GRID2: variants seen among roughly 807,000 people sequenced by gnomAD.
GRID2 encodes the protein glutamate ionotropic receptor delta type subunit 2, also known as glutamate receptor ionotropic, delta-2.
In GRID2, 33 loss-of-function variants were observed where a neutral mutation model predicts 114.8. That is an observed-to-expected ratio of 0.29 (90% CI 0.22 to 0.38). The LOEUF (loss-of-function observed/expected upper bound fraction) is 0.38. Among genes scored for constraint, GRID2 ranks in the 10% least tolerant of loss-of-function variants. The pLI, the probability that GRID2 is intolerant of heterozygous loss-of-function variation, is 1.00. For missense variants in GRID2, 1,184 were observed against 1,257.7 expected (o/e 0.94, Z 0.89); for synonymous variants, 505 against 449.9 (o/e 1.12, Z -1.55).
At chr4:93,214,142 A>G (rs926102866) in intron 5 of GRID2, among the ~76,000 whole-genome samples, 8 of 152,040 alleles carry the variant, frequency 5.3e-5, no homozygotes, top group Non-Finnish European at 1.2e-4. Context: ...CTTTTAAAAG[A>G]TTAAGATATT....
intron 1 of GRID2, among the ~76,000 whole-genome samples, chr4:92,583,676 C>CAT (rs1477685436): frequency 6.8e-6 from 1 of 146,686 alleles, no homozygotes; most frequent in African/African-American, 2.5e-5. Flanking sequence ...TATATACACA[C>CAT]ACATACACAT....
chr4:93,734,446 T>C (rs533984186), intron 14 of GRID2, among the ~76,000 whole-genome samples: 1 of 152,146 alleles, frequency 6.6e-6, no homozygotes, highest in Admixed American at 6.6e-5. Context: ...GAATGTTTGG[T>C]TTCCCTTATT....
intron 11 of GRID2, among the ~76,000 whole-genome samples, chr4:93,476,612 T>C (rs999443669): frequency 2.0e-5 from 3 of 152,124 alleles, no homozygotes; most frequent in African/African-American, 7.2e-5. Context: ...CTCCTTTTTA[T>C]TTTTTAACAA....
At chr4:93,354,890 G>T (rs978467317) in intron 8 of GRID2, among the ~76,000 whole-genome samples, 1 of 147,250 alleles carries the variant, frequency 6.8e-6, no homozygotes, top group African/African-American at 2.5e-5. Flanking sequence ...TTGTGTTGAA[G>T]ACCTAAATGC....
chr4:93,629,380 G>C (rs1396944490), intron 14 of GRID2, among the ~76,000 whole-genome samples: 1 of 152,188 alleles, frequency 6.6e-6, no homozygotes, highest in African/African-American at 2.4e-5. Context: ...AGCCAGGAAA[G>C]AAGCAGGACC....
intron 11 of GRID2, among the ~76,000 whole-genome samples, chr4:93,474,559 T>A (rs1230720123): frequency 6.6e-6 from 1 of 152,138 alleles, no homozygotes; most frequent in Non-Finnish European, 1.5e-5. Context: ...AGGAAGCCCA[T>A]GATCTAAACC....
At chr4:92,372,750 TC>T (rs1729177903) in intron 1 of GRID2, among the ~76,000 whole-genome samples, 1 of 152,030 alleles carries the variant, frequency 6.6e-6, no homozygotes, top group Admixed American at 6.6e-5. Flanking sequence ...ATACTTTTTT[TC>T]CCCCTATTTT....
At chr4:92,773,958 GA>G (rs1310124303) in intron 2 of GRID2, among the ~76,000 whole-genome samples, 4 of 152,008 alleles carry the variant, frequency 2.6e-5, no homozygotes, top group Non-Finnish European at 2.9e-5. Flanking sequence ...AAGTGCAAAA[GA>G]CAAATAGATT....
chr4:93,159,592 C>T (rs1465699267), intron 4 of GRID2, among the ~76,000 whole-genome samples: 1 of 151,186 alleles, frequency 6.6e-6, no homozygotes, highest in Non-Finnish European at 1.5e-5. Context: ...ACAGAAGAGT[C>T]TTAGCTACTG....
rs72887604 is a variant in GRID2, at chr4:93,096,806, C to T, written c.529+11527C>T. On this transcript the variant is annotated intron_variant, in intron 3 of 15. Transcript: ENST00000282020. ...TATCTACTTACCTTGTATACCTCAC[C>T]TATTTCACTCCAGAAAAATGAGAAT... is the stretch of plus-strand genomic sequence containing the variant. Among the ~76,000 whole-genome samples, 1,124 of 151,978 alleles carry T rather than the reference C, an allele frequency of 7.4e-3. 22 individuals are homozygous for T. The highest frequency in any genetic ancestry group is 0.026 in the African/African-American group (1,076 of 41,506).
At chr4:92,311,594 A>G (rs138176940) in intron 1 of GRID2, among the ~76,000 whole-genome samples, 1 of 152,262 alleles carries the variant, frequency 6.6e-6, no homozygotes, top group Non-Finnish European at 1.5e-5. Flanking sequence ...AATAATTAAA[A>G]GTACTATTTT....
At chr4:93,578,332 G>A (rs927867419) in intron 13 of GRID2, among the ~76,000 whole-genome samples, 44 of 152,176 alleles carry the variant, frequency 2.9e-4, no homozygotes, top group Admixed American at 4.6e-4. Context: ...AGCCCACTGA[G>A]CAATTTTGAT....
At chr4:93,170,678 A>G (rs1738720565) in intron 4 of GRID2, among the ~76,000 whole-genome samples, 1 of 152,184 alleles carries the variant, frequency 6.6e-6, no homozygotes, top group African/African-American at 2.4e-5. Flanking sequence ...AATTCCCAGA[A>G]AGAGGATCTG....
At chr4:92,451,659 T>C (rs1235086341) in intron 1 of GRID2, among the ~76,000 whole-genome samples, 1 of 152,214 alleles carries the variant, frequency 6.6e-6, no homozygotes, top group South Asian at 2.1e-4. Flanking sequence ...TCACCAATGA[T>C]ATGCATGAGT....
chr4:92,313,503 A>C (rs1343737505), intron 1 of GRID2, among the ~76,000 whole-genome samples: 1 of 151,876 alleles, frequency 6.6e-6, no homozygotes, highest in African/African-American at 2.4e-5. Context: ...AATAATAATA[A>C]AATAAATAAA....
chr4:93,099,076 T>C (rs1271636618), intron 3 of GRID2, among the ~76,000 whole-genome samples: 1 of 150,868 alleles, frequency 6.6e-6, no homozygotes, highest in African/African-American at 2.4e-5. Flanking sequence ...CTACATGTTG[T>C]TTGGGTCCTT....
chr4:93,349,918 G>A (rs1760629429), intron 8 of GRID2, among the ~76,000 whole-genome samples: 1 of 151,998 alleles, frequency 6.6e-6, no homozygotes, highest in African/African-American at 2.4e-5. Context: ...TGTGTGGGAT[G>A]GGGGTATAAA....
chr4:93,781,842 A>G (rs1734486751), intron 1 of GRID2, among the ~76,000 whole-genome samples: 1 of 152,150 alleles, frequency 6.6e-6, no homozygotes, highest in South Asian at 2.1e-4. Flanking sequence ...CATAGATGTG[A>G]AACCCACAGA....
At chr4:93,264,455 A>G (rs542388875) in intron 8 of GRID2, among the ~76,000 whole-genome samples, 3 of 151,962 alleles carry the variant, frequency 2.0e-5, no homozygotes, top group Non-Finnish European at 4.4e-5. Flanking sequence ...TATTGTTTCA[A>G]TGTAAGCTTT....
Sources: allele counts gnomAD v4.1 joint callset (sites outside exome capture counted in the v4.1 genomes callset), GRCh38; gene constraint gnomAD v4.1.1; transcripts MANE v1.5; gene names NCBI Gene and HGNC (gene_info 2026-07-23, HGNC 2026-07-21).